CDH23: variants seen among roughly 807,000 people sequenced by gnomAD.
CDH23 encodes cadherin-23.
CDH23 carries 189 observed loss-of-function variants against 317.1 expected under a neutral mutation model. The observed-to-expected ratio is 0.60, with a 90% CI of 0.53 to 0.67. The LOEUF is 0.67. Ranked by LOEUF, CDH23 falls within the 30% of genes least tolerant of loss-of-function variation. CDH23 has a pLI of 0.00. For missense variants in CDH23, 4,401 were observed against 4,592.4 expected (o/e 0.96, Z 1.20); for synonymous variants, 1,839 against 1,876.8 (o/e 0.98, Z 0.52).
At position 71,799,531 on chromosome 10, in the gene CDH23, C is replaced by T; in HGVS notation, c.7264C>T (p.Leu2422=). 6.2e-7 allele frequency: 1 copy of T among 1,614,058 alleles called. No homozygotes were observed. Among genetic ancestry groups the T allele is most frequent in the Admixed American group, 1.7e-5 (1 of 60,032 alleles). ...GGATGTGCCTGTGGGCACAATCATC[C>T]TGACAGTCACTGCCACTGATGCTGA... ...FEDVPVGTII[L]TVTATDADSG... The change falls in exon 52 of 70, where the codon CTG becomes TTG. Residue 2422 remains leucine (L), a synonymous_variant. Transcript: ENST00000224721.
chr10:71,661,080 C>T (rs772181464), intron 14 of CDH23, among the ~76,000 whole-genome samples: 6 of 152,194 alleles, frequency 3.9e-5, no homozygotes, highest in Non-Finnish European at 7.3e-5. Context: ...AGGGGCATAA[C>T]GGAGGCACGA....
In CDH23 at chr10:71,607,113, TACTG is replaced by T. The variant is rs1860573947; in HGVS notation, c.833-8387_833-8384del. ...TGTCTTGCTCAAGGCCCATATCTCA[TACTG>T]ACTCCCAATTTTCATTATACAGTGA... On this transcript the variant is annotated intron_variant, in intron 9 of 69. Coordinates refer to ENST00000224721, the MANE Select transcript of CDH23 (RefSeq NM_022124.6). Among the ~76,000 whole-genome samples the T allele has an allele frequency of 2.0e-5, 3 of 152,252 alleles. No individual in the cohort carries two copies. In the South Asian group the frequency reaches 6.2e-4, roughly 31 times the overall value.
intron 13 of CDH23, 88 bp downstream of exon 13, chr10:71,646,068 C>T: frequency 6.8e-7 from 1 of 1,467,878 alleles, no homozygotes; most frequent in Non-Finnish European, 9.3e-7. Flanking sequence ...CCCTTAGATC[C>T]CACCTTCCAC....
At chr10:71,658,342 T>C (rs1030130446) in intron 14 of CDH23, among the ~76,000 whole-genome samples, 6 of 152,172 alleles carry the variant, frequency 3.9e-5, no homozygotes, top group African/African-American at 1.4e-4. Flanking sequence ...TTTCTTCCAC[T>C]GCGGCTGGGG....
intron 1 of CDH23, among the ~76,000 whole-genome samples, chr10:71,417,545 A>G (rs915871829): frequency 6.6e-6 from 1 of 152,154 alleles, no homozygotes; most frequent in Non-Finnish European, 1.5e-5. Flanking sequence ...CTTAAATTAT[A>G]CACATGTACT....
At chr10:71,412,907 A>T (rs546425144) in intron 1 of CDH23, among the ~76,000 whole-genome samples, 1 of 152,328 alleles carries the variant, frequency 6.6e-6, no homozygotes, top group Admixed American at 6.5e-5. Flanking sequence ...TGTGATTTAC[A>T]GATATGTTCA....
chr10:71,699,984 T>C (rs961321045), intron 22 of CDH23, among the ~76,000 whole-genome samples: 10 of 152,284 alleles, frequency 6.6e-5, no homozygotes, highest in Admixed American at 5.9e-4. Context: ...CCACCCACCA[T>C]GTGAAATGTA....
At chr10:71,619,647 G>A (rs368636260) in intron 11 of CDH23, among the ~76,000 whole-genome samples, 2 of 152,222 alleles carry the variant, frequency 1.3e-5, no homozygotes, top group African/African-American at 4.8e-5. Context: ...ATGGTGAGAG[G>A]GGCCTAGGGC....
chr10:71,661,426 C>T (rs1863645556), intron 14 of CDH23, among the ~76,000 whole-genome samples: 1 of 152,144 alleles, frequency 6.6e-6, no homozygotes, highest in Non-Finnish European at 1.5e-5. Flanking sequence ...CTGGACCAGC[C>T]CCTTTTCTCT....
Position 71,815,610 on chromosome 10 carries a change from A to C in CDH23, c.*332A>C. ...CAGGCTGAGCTGAAAGAGGCCAAAC[A>C]GGCCCTCCTCCCTCCCAGCTCCACC... On this transcript the variant is annotated 3_prime_UTR_variant, in exon 70 of 70. Transcript: ENST00000224721. 3 of 230,684 alleles carry C rather than the reference A, an allele frequency of 1.3e-5. No individual in the cohort carries two copies. The highest frequency in any genetic ancestry group is 2.5e-5 in the Non-Finnish European group (3 of 117,772). 14.3% of individuals were successfully genotyped at this position (230,684 alleles called of 1,614,324 possible).
chr10:71,796,178 G>C, intron 48 of CDH23: 2 of 782,762 alleles, frequency 2.6e-6, no homozygotes, highest in Non-Finnish European at 3.1e-6. Flanking sequence ...CTGTACCTGA[G>C]AGGGAGAGGA....
At chr10:71,525,069 A>T (rs1022628107) in intron 6 of CDH23, among the ~76,000 whole-genome samples, 1 of 151,570 alleles carries the variant, frequency 6.6e-6, no homozygotes, top group Non-Finnish European at 1.5e-5. Context: ...CACCATGCCC[A>T]GCTAATTTTT....
At chr10:71,576,599 G>A (rs1858219769) in intron 8 of CDH23, among the ~76,000 whole-genome samples, 2 of 152,154 alleles carry the variant, frequency 1.3e-5, no homozygotes, top group Non-Finnish European at 2.9e-5. Context: ...CCATGCAGAT[G>A]CCAGGGTTGA....
chr10:71,815,207 G>A lies in CDH23; in HGVS notation c.9994G>A (p.Ala3332Thr), dbSNP rs373401356. ...AFERNARTESAKSTPLHKLRD... is the reference protein window; with the variant it reads ...AFERNARTESTKSTPLHKLRD... ...CGAGCGCAACGCCCGCACAGAATCC[G>A]CCAAATCCACACCCCTGCACAAACT... The change falls in exon 70 of 70, where the codon GCC (alanine) becomes ACC (threonine). Residue 3332 changes from alanine to threonine, a missense_variant. Ala to Thr is a moderately conservative substitution (Grantham distance 58). Coordinates refer to ENST00000224721, the MANE Select transcript of CDH23 (RefSeq NM_022124.6). 16 of 1,605,744 alleles carry A rather than the reference G, an allele frequency of 1.0e-5. No individual in the cohort carries two copies. The highest frequency in any genetic ancestry group is 8.0e-5 in the African/African-American group (6 of 74,860).
rs747559330 is a variant in CDH23, at chr10:71,738,570, A to G, written c.4282A>G (p.Ile1428Val). Residue 1428 changes from isoleucine (I) to valine (V), a missense_variant, in exon 35 of 70, where the codon ATA becomes GTA. Coordinates refer to ENST00000224721, the MANE Select transcript of CDH23 (RefSeq NM_022124.6). ...FDFTSDSAVS[I>V]PEDCPVGQRV... Reference sequence around the variant, plus strand: ...CTTCACCTCCGACTCGGCGGTCAGCATACCCGAGGACTGCCCTGTGGGCCA... The same window carrying G: ...CTTCACCTCCGACTCGGCGGTCAGCGTACCCGAGGACTGCCCTGTGGGCCA... 1 of 1,613,928 alleles carries G rather than the reference A, an allele frequency of 6.2e-7. No homozygotes were observed. The highest frequency in any genetic ancestry group is 8.5e-7 in the Non-Finnish European group (1 of 1,179,896).
intron 9 of CDH23, among the ~76,000 whole-genome samples, chr10:71,593,156 T>C (rs1174334797): frequency 6.6e-6 from 1 of 152,072 alleles, no homozygotes; most frequent in Admixed American, 6.5e-5. Flanking sequence ...AGAATAGAGC[T>C]CTTAGAACCA....
intron 38 of CDH23, among the ~76,000 whole-genome samples, chr10:71,744,766 G>A (rs1229493003): frequency 6.6e-6 from 1 of 152,174 alleles, no homozygotes; most frequent in Non-Finnish European, 1.5e-5. Flanking sequence ...AGGATGATTA[G>A]GACCAGGGAC....
At chr10:71,670,155 G>A (rs1289815288) in intron 14 of CDH23, among the ~76,000 whole-genome samples, 5 of 152,204 alleles carry the variant, frequency 3.3e-5, no homozygotes, top group African/African-American at 1.2e-4. Flanking sequence ...GGGAGCCTCG[G>A]CAGGGGCCAG....
intron 1 of CDH23, among the ~76,000 whole-genome samples, chr10:71,403,455 T>TCC (rs1847939785): frequency 6.6e-5 from 1 of 15,108 alleles, no homozygotes; most frequent in Non-Finnish European, 1.1e-4. Flanking sequence ...CTTCCTTCCT[T>TCC]TCCTTCCTTC....
Sources: allele counts gnomAD v4.1 joint callset (sites outside exome capture counted in the v4.1 genomes callset), GRCh38; gene constraint gnomAD v4.1.1; transcripts MANE v1.5; gene names NCBI Gene and HGNC (gene_info 2026-07-23, HGNC 2026-07-21).